DTWD2: variants seen among roughly 807,000 people sequenced by gnomAD.
DTWD2 encodes DTW motif tRNA-uridine aminocarboxypropyltransferase 2.
A neutral mutation model predicts 31.8 loss-of-function variants in DTWD2; 39 were observed. The observed-to-expected ratio is 1.22, with a 90% CI of 0.95 to 1.60. The LOEUF is 1.60. DTWD2 is among the 40% of genes most tolerant of loss of function. The pLI, the probability that DTWD2 is intolerant of heterozygous loss-of-function variation, is 0.00. For missense variants in DTWD2, 515 were observed against 381.5 expected (o/e 1.35, Z -2.92); for synonymous variants, 180 against 142.8 (o/e 1.26, Z -1.86).
chr5:118,962,199 T>C (rs530942915), intron 1 of DTWD2, among the ~76,000 whole-genome samples: 1 of 152,096 alleles, frequency 6.6e-6, no homozygotes, highest in Admixed American at 6.5e-5. Context: ...GATCACGCCA[T>C]TGCACTCCAG....
At position 118,884,996 on chromosome 5, in the gene DTWD2, C is replaced by CAAAAAAAAAAAA. The variant is rs36042211; in HGVS notation, c.598-36790_598-36779dup. On this transcript the variant is annotated intron_variant, in intron 4 of 5. Coordinates refer to ENST00000510708, the MANE Select transcript of DTWD2 (RefSeq NM_173666.4). ...GGGGGACAGAGTGAGACTCCATCTC[C>CAAAAAAAAAAAA]AAAAAAAAAAAAAAAAAAAAAAATC... Among the ~76,000 whole-genome samples the CAAAAAAAAAAAA allele has an allele frequency of 4.2e-4, 21 of 49,740 alleles. 1 individual carries two copies. Among genetic ancestry groups the CAAAAAAAAAAAA allele is most frequent in the African/African-American group, 1.3e-3 (16 of 11,994 alleles). 32.6% of individuals were successfully genotyped at this position (49,740 alleles called of 152,430 possible).
intron 1 of DTWD2, among the ~76,000 whole-genome samples, chr5:118,967,167 A>T (rs1754871394): frequency 6.6e-6 from 1 of 152,170 alleles, no homozygotes; most frequent in African/African-American, 2.4e-5. Flanking sequence ...AGATAAAGAG[A>T]GTCAGATTTC....
chr5:118,870,780 T>G (rs903913339), intron 4 of DTWD2, among the ~76,000 whole-genome samples: 3 of 152,174 alleles, frequency 2.0e-5, no homozygotes, highest in Non-Finnish European at 4.4e-5. Context: ...CTTCCTTCCA[T>G]GAAGGACTTC....
chr5:118,857,316 T>C (rs1280975614), intron 4 of DTWD2, among the ~76,000 whole-genome samples: 1 of 152,166 alleles, frequency 6.6e-6, no homozygotes, highest in Non-Finnish European at 1.5e-5. Context: ...ATACATAATA[T>C]AGCGTGTATA....
rs759591067 is a variant in DTWD2 at position 118,939,328 on chromosome 5, TTAGA to T, written c.310-42_310-39del. On this transcript the variant is annotated intron_variant, in intron 2 of 5. Coordinates refer to ENST00000510708, the MANE Select transcript of DTWD2 (RefSeq NM_173666.4). Reference sequence around the variant, plus strand: ...AATGAATTGAAACATAGATTTTTACTTAGATATACACACTTTTAAATATTTTATA... The same window carrying T: ...AATGAATTGAAACATAGATTTTTACTTATACACACTTTTAAATATTTTATA... The T allele has an allele frequency of 4.0e-6, 6 of 1,496,022 alleles. No individual in the cohort carries two copies. In the Admixed American group the frequency reaches 1.0e-4, roughly 25 times the overall value. The allele number at this position is 1,496,022 out of a possible 1,614,324, so 92.7% of individuals were successfully genotyped here.
chr5:118,848,984 A>G (rs894884846), intron 4 of DTWD2, among the ~76,000 whole-genome samples: 5 of 152,234 alleles, frequency 3.3e-5, no homozygotes, highest in African/African-American at 1.2e-4. Context: ...TTTATGACTA[A>G]AACACCAAAG....
rs1754813669 is a variant in DTWD2 at position 118,965,333 on chromosome 5, C to A, written c.219-20684G>T. 2.7e-5 allele frequency among the ~76,000 whole-genome samples: 4 copies of A among 149,704 alleles called. No homozygotes were observed. The South Asian group carries it at 8.5e-4, about 32-fold the overall frequency. ...GGGGGCGTCTCCGCTCAGCCGCCAC[C>A]CCGTCCGGGAGGTGAGGGGCGCCTC... On this transcript the variant is annotated intron_variant, in intron 1 of 5. Coordinates refer to ENST00000510708, the MANE Select transcript of DTWD2 (RefSeq NM_173666.4).
intron 4 of DTWD2, among the ~76,000 whole-genome samples, chr5:118,873,174 G>A (rs1752544419): frequency 6.6e-6 from 1 of 152,230 alleles, no homozygotes; most frequent in African/African-American, 2.4e-5. Context: ...GAACCCAGAG[G>A]GTTTGGTGCA....
chr5:118,841,950 A>T (rs567451767), intron 5 of DTWD2, among the ~76,000 whole-genome samples: 3 of 152,210 alleles, frequency 2.0e-5, no homozygotes, highest in Non-Finnish European at 4.4e-5. Context: ...AGATTTAACT[A>T]CAAAAAATTC....
At position 118,982,199 on chromosome 5, in the gene DTWD2, A is replaced by C. The variant is rs114204273; in HGVS notation, c.218+6095T>G. 3.1e-3 allele frequency among the ~76,000 whole-genome samples: 468 copies of C among 152,350 alleles called. 3 individuals are homozygous for C. The highest frequency in any genetic ancestry group is 0.01 in the African/African-American group (434 of 41,596). On this transcript the variant is annotated intron_variant, in intron 1 of 5. Coordinates refer to ENST00000510708, the MANE Select transcript of DTWD2 (RefSeq NM_173666.4). ...ATATTATCTGACTACATAAGCACTA[A>C]TAGAAACTATGAATTATTAATTTTG...
chr5:118,962,518 T>A (rs551450456), intron 1 of DTWD2, among the ~76,000 whole-genome samples: 31 of 152,156 alleles, frequency 2.0e-4, no homozygotes, highest in Admixed American at 6.5e-4. Context: ...TGCCGATAAC[T>A]TCTGAATCCA....
At position 118,837,304 on chromosome 5, in the gene DTWD2, G is replaced by T. The variant is rs1751595967; in HGVS notation, c.*3613C>A. The T allele has an allele frequency of 6.6e-6, 1 of 152,118 alleles. No individual in the cohort carries two copies. The highest frequency in any genetic ancestry group is 1.5e-5 in the Non-Finnish European group (1 of 68,018). 9.4% of individuals were successfully genotyped at this position (152,118 alleles called of 1,614,324 possible). ...AGCCTACTTATGGGGCAAATTAAAT[G>T]CAAAGTTTCATTCCATCTATAATGC... On this transcript the variant is annotated 3_prime_UTR_variant, in exon 6 of 6. Coordinates refer to ENST00000510708, the MANE Select transcript of DTWD2 (RefSeq NM_173666.4).
At chr5:118,972,428 T>A (rs374754380) in intron 1 of DTWD2, among the ~76,000 whole-genome samples, 1 of 152,028 alleles carries the variant, frequency 6.6e-6, no homozygotes, top group African/African-American at 2.4e-5. Context: ...CAGGAAGAAA[T>A]TGAGTACTTG....
At chr5:118,975,523 T>C (rs1341719175) in intron 1 of DTWD2, among the ~76,000 whole-genome samples, 1 of 152,190 alleles carries the variant, frequency 6.6e-6, no homozygotes, top group Non-Finnish European at 1.5e-5. Context: ...GAAGCCTACT[T>C]ATGTCAATAC....
At position 118,969,772 on chromosome 5, in the gene DTWD2, G is replaced by C. The variant is rs1045912353; in HGVS notation, c.218+18522C>G. Among the ~76,000 whole-genome samples, 3 of 152,134 alleles carry C rather than the reference G, an allele frequency of 2.0e-5. No homozygotes were observed. In the East Asian group the frequency reaches 5.8e-4, roughly 29 times the overall value. On this transcript the variant is annotated intron_variant, in intron 1 of 5. Coordinates refer to ENST00000510708, the MANE Select transcript of DTWD2 (RefSeq NM_173666.4). The stretch of plus-strand genomic sequence containing the variant: ...AACGCTGAAAACTCAAAAATCCAGA[G>C]TGACTCCAGATGACTGCAACACCTC...
chr5:118,933,367 G>C (rs1753968023), intron 3 of DTWD2, among the ~76,000 whole-genome samples: 1 of 152,088 alleles, frequency 6.6e-6, no homozygotes, highest in Non-Finnish European at 1.5e-5. Flanking sequence ...TACAAGAAAG[G>C]AAAACTATAG....
At position 118,840,590 on chromosome 5, in the gene DTWD2, C is replaced by T; in HGVS notation, c.*327G>A. The stretch of plus-strand genomic sequence containing the variant: ...TAATGGACACAACACCGTTCCAATC[C>T]ACTACAACAATTTTCTTCTATTTTA... On this transcript the variant is annotated 3_prime_UTR_variant, in exon 6 of 6. Transcript: ENST00000510708. 5.5e-6 allele frequency: 1 copy of T among 183,188 alleles called. No individual in the cohort carries two copies. The highest frequency in any genetic ancestry group is 1.1e-5 in the Non-Finnish European group (1 of 89,082). The allele number at this position is 183,188 out of a possible 1,614,324, so 11.3% of individuals were successfully genotyped here.
intron 4 of DTWD2, among the ~76,000 whole-genome samples, chr5:118,858,302 A>G (rs547580375): frequency 6.6e-6 from 1 of 152,356 alleles, no homozygotes; most frequent in Admixed American, 6.5e-5. Context: ...TAAGGGTTTC[A>G]GAAAAGAATA....
At chr5:118,888,633 G>A (rs1752917377) in intron 4 of DTWD2, among the ~76,000 whole-genome samples, 2 of 152,176 alleles carry the variant, frequency 1.3e-5, no homozygotes, top group Admixed American at 6.5e-5. Context: ...GAGTGAAATG[G>A]CTGGATCACA....
Sources: gnomAD v4.1 joint callset for allele counts (sites outside exome capture counted in the v4.1 genomes callset) on GRCh38, gnomAD v4.1.1 for gene constraint, MANE v1.5 for transcripts, NCBI Gene and HGNC (gene_info 2026-07-23, HGNC 2026-07-21) for gene names.